The following REV1 variants were observed in gnomAD, a reference collection of about 807,000 sequenced individuals.
The protein encoded by REV1 is translesion synthesis protein REV1.
In REV1, 42 loss-of-function variants were observed where a neutral mutation model predicts 137.4. The ratio of observed to expected loss-of-function variants is 0.31; its 90% CI spans 0.24 to 0.40. The LOEUF (loss-of-function observed/expected upper bound fraction) is 0.40, where lower values mean the gene tolerates loss of function less well. REV1 is among the 10% of genes least tolerant of loss of function. REV1 has a pLI of 1.00. For missense variants in REV1, 1,282 were observed against 1,490.1 expected, an observed-to-expected ratio of 0.86 and a Z score of 2.30; for synonymous variants, 524 against 519.2, an observed-to-expected ratio of 1.01 and a Z score of -0.12.
chr2:99,411,279 C>G lies in REV1; in HGVS notation c.2173-412G>C, dbSNP rs186949726. 4.3e-4 allele frequency among the ~76,000 whole-genome samples: 66 copies of G among 152,176 alleles called. 1 individual carries two copies. Among genetic ancestry groups the G allele is most frequent in the African/African-American group, 1.6e-3 (66 of 41,544 alleles). ...TTCCAGCCTGGGCGACAGAGGGAGA[C>G]TCCGTCTCAAAAAAGTAAAACTACA... On this transcript the variant is annotated intron_variant, in intron 13 of 22. Transcript: ENST00000258428.
intron 4 of REV1, among the ~76,000 whole-genome samples, chr2:99,446,818 T>TC (rs1682288026): frequency 6.6e-6 from 1 of 151,952 alleles, no homozygotes; most frequent in Non-Finnish European, 1.5e-5. Flanking sequence ...TCTAAGTAAA[T>TC]CAATTCCCCC....
intron 1 of REV1, among the ~76,000 whole-genome samples, chr2:99,479,337 A>C (rs1686340650): frequency 1.3e-5 from 2 of 151,370 alleles, no homozygotes; most frequent in South Asian, 2.1e-4. Context: ...AAAAAAAAAA[A>C]AAAAAAACAA....
At chr2:99,416,931 A>T (rs1190973018) in intron 12 of REV1, among the ~76,000 whole-genome samples, 1 of 151,116 alleles carries the variant, frequency 6.6e-6, no homozygotes, top group Non-Finnish European at 1.5e-5. Flanking sequence ...AAAAAAAAAA[A>T]AAGAAATAAA....
chr2:99,419,626 G>A (rs950345652), intron 11 of REV1, among the ~76,000 whole-genome samples: 16 of 152,258 alleles, frequency 1.1e-4, no homozygotes, highest in South Asian at 2.1e-4. Context: ...TAAAAAGTGC[G>A]CGACTGGACT....
intron 1 of REV1, among the ~76,000 whole-genome samples, chr2:99,466,385 G>C (rs1559397470): frequency 6.6e-6 from 1 of 152,142 alleles, no homozygotes; most frequent in African/African-American, 2.4e-5. Flanking sequence ...TGGGATTACA[G>C]GCACCTGCCA....
chr2:99,403,605 CTT>C (rs576652192), intron 19 of REV1, 88 bp downstream of exon 19: 2,239 of 1,552,718 alleles, frequency 1.4e-3, no homozygotes, highest in Non-Finnish European at 1.9e-3. Flanking sequence ...ACAGCTTAGA[CTT>C]TGCCCATTAT....
rs774732084 is a variant in REV1 at position 99,419,205 on chromosome 2, ATTTTTTTTT to A, written c.1832-267_1832-259del. On this transcript the variant is annotated intron_variant, in intron 11 of 22. Transcript: ENST00000258428. ...AGCAGGAATAGAGAAAGCAGTCCTGATTTTTTTTTTTTTTTTTTTTTTGGGGGATGGAGG... is the reference window on the plus strand; with the variant it reads ...AGCAGGAATAGAGAAAGCAGTCCTGATTTTTTTTTTTTTGGGGGATGGAGG... Among the ~76,000 whole-genome samples the A allele has an allele frequency of 9.1e-4, 105 of 116,000 alleles. 1 individual carries two copies. Among genetic ancestry groups the A allele is most frequent in the African/African-American group, 3.2e-3 (97 of 30,638 alleles). 76.1% of individuals were successfully genotyped at this position (116,000 alleles called of 152,430 possible). A position where few individuals can be genotyped will look rare whatever the true frequency, so the allele number is the denominator to read the frequency against.
chr2:99,429,800 A>G lies in REV1; in HGVS notation c.1547+40T>C, dbSNP rs377556759. 3.3e-6 allele frequency: 4 copies of G among 1,211,236 alleles called. No individual in the cohort carries two copies. The African/African-American group carries it at 4.6e-5, about 14-fold the overall frequency. The allele number at this position is 1,211,236 out of a possible 1,614,324, so 75.0% of individuals were successfully genotyped here. On this transcript the variant is annotated intron_variant, in intron 9 of 22. Coordinates refer to ENST00000258428, the MANE Select transcript of REV1 (RefSeq NM_016316.4). ...GAAATTATATAAAAATAATTAACCA[A>G]ATTATTCATTAAGAATTGTAACACA...
At chr2:99,424,035 G>T in intron 10 of REV1, 117 bp downstream of exon 10, 1 of 1,106,354 alleles carries the variant, frequency 9.0e-7, no homozygotes, top group Non-Finnish European at 1.3e-6. Context: ...GTGGTTCCTG[G>T]AAGATAAAAT....
chr2:99,444,486 T>A (rs1164035049), intron 4 of REV1, among the ~76,000 whole-genome samples: 1 of 152,248 alleles, frequency 6.6e-6, no homozygotes, highest in Admixed American at 6.5e-5. Flanking sequence ...TCAGGCCTTA[T>A]CCAGCTCCTA....
intron 1 of REV1, among the ~76,000 whole-genome samples, chr2:99,476,630 A>T (rs191858926): frequency 1.1e-3 from 167 of 152,240 alleles, no homozygotes; most frequent in African/African-American, 3.6e-3. Context: ...GAGCCACTCC[A>T]GATAGTTTTG....
intron 15 of REV1, among the ~76,000 whole-genome samples, chr2:99,407,676 G>GT (rs911090936): frequency 6.6e-6 from 1 of 152,124 alleles, no homozygotes; most frequent in African/African-American, 2.4e-5. Context: ...CAGATGCAGA[G>GT]TATGTTTCTG....
chr2:99,408,299 AT>A (rs976540418), intron 14 of REV1, 168 bp from the exon 15 acceptor site: 12 of 395,642 alleles, frequency 3.0e-5, no homozygotes, highest in Admixed American at 1.8e-4. Flanking sequence ...GAAATACCAA[AT>A]TAGTTACACT....
chr2:99,464,499 A>G (rs773964797), intron 2 of REV1, among the ~76,000 whole-genome samples: 1 of 152,206 alleles, frequency 6.6e-6, no homozygotes, highest in African/African-American at 2.4e-5. Context: ...ATCATACAAA[A>G]TATTTCTTTG....
At chr2:99,403,943 C>G in intron 18 of REV1, 128 bp from the exon 19 acceptor site, 2 of 1,100,374 alleles carry the variant, frequency 1.8e-6, no homozygotes, top group Non-Finnish European at 2.6e-6. Flanking sequence ...CTTAACAGTT[C>G]CCCAATATCA....
At chr2:99,412,060 C>G (rs565644327) in intron 13 of REV1, among the ~76,000 whole-genome samples, 2 of 151,758 alleles carry the variant, frequency 1.3e-5, no homozygotes, top group Admixed American at 1.3e-4. Flanking sequence ...GGTGAAACCA[C>G]GTCTCTACTA....
intron 12 of REV1, among the ~76,000 whole-genome samples, chr2:99,415,674 G>T (rs1677756962): frequency 6.6e-6 from 1 of 152,190 alleles, no homozygotes; most frequent in Admixed American, 6.5e-5. Flanking sequence ...AACTCATATT[G>T]TACTAGCTTC....
chr2:99,419,367 C>T (rs147406301), intron 11 of REV1, among the ~76,000 whole-genome samples: 1,979 of 152,140 alleles, frequency 0.013, 42 homozygotes, highest in African/African-American at 0.045. Context: ...CGCCCACCAC[C>T]ATGCCCGGCT....
rs1044552157 is a variant in REV1, at chr2:99,449,626, T to C, written c.182-122A>G. On this transcript the variant is annotated intron_variant, in intron 3 of 22. Transcript: ENST00000258428. ...TTGGTTCACCTTCTCCTTGGCTGTG[T>C]TGCCAGTAAACAAAGCTGGGAGGTA... 29 of 459,698 alleles carry C rather than the reference T, an allele frequency of 6.3e-5. 1 individual carries two copies. The highest frequency in any genetic ancestry group is 5.8e-4 in the Middle Eastern group (1 of 1,714). The allele number at this position is 459,698 out of a possible 1,614,324, so 28.5% of individuals were successfully genotyped here. A position where few individuals can be genotyped will look rare whatever the true frequency, so the allele number is the denominator to read the frequency against.
Sources: gnomAD v4.1 joint callset for allele counts (sites outside exome capture counted in the v4.1 genomes callset) on GRCh38, gnomAD v4.1.1 for gene constraint, MANE v1.5 for transcripts, NCBI Gene and HGNC (gene_info 2026-07-23, HGNC 2026-07-21) for gene names.